The following IGF2BP2 variants were observed in gnomAD, a reference collection of about 807,000 sequenced individuals.
IGF2BP2 encodes insulin like growth factor 2 mRNA binding protein 2.
IGF2BP2 carries 17 observed loss-of-function variants against 75.8 expected under a neutral mutation model. The ratio of observed to expected loss-of-function variants is 0.22; its 90% CI spans 0.15 to 0.34. IGF2BP2 has a LOEUF of 0.34. Ranked by LOEUF, IGF2BP2 falls within the 10% of genes least tolerant of loss-of-function variation. IGF2BP2 has a pLI of 1.00. For synonymous variants in IGF2BP2, 288 were observed against 295.6 expected (o/e 0.97, Z 0.26); for missense variants, 516 against 772.4 (o/e 0.67, Z 3.93).
At chr3:185,706,734 A>T (rs1318217230) in intron 2 of IGF2BP2, among the ~76,000 whole-genome samples, 1 of 150,612 alleles carries the variant, frequency 6.6e-6, no homozygotes, top group Non-Finnish European at 1.5e-5. Context: ...TTTCTCAGAG[A>T]TTCCTTCTTT....
At chr3:185,690,721 T>C (rs1394729808) in intron 5 of IGF2BP2, among the ~76,000 whole-genome samples, 1 of 152,218 alleles carries the variant, frequency 6.6e-6, no homozygotes, top group Non-Finnish European at 1.5e-5. Flanking sequence ...TATGATCCCA[T>C]AGCAGTTTAG....
At chr3:185,737,314 T>C (rs1455564614) in intron 2 of IGF2BP2, among the ~76,000 whole-genome samples, 4 of 152,184 alleles carry the variant, frequency 2.6e-5, no homozygotes, top group Non-Finnish European at 5.9e-5. Context: ...TTAATAAACA[T>C]TCTAGGTGCT....
Position 185,676,061 on chromosome 3 carries a change from C to A in IGF2BP2, c.813-148G>T. 3.2e-6 allele frequency: 3 copies of A among 936,054 alleles called. No individual in the cohort carries two copies. The South Asian group carries it at 5.3e-5, about 17-fold the overall frequency. 58.0% of individuals were successfully genotyped at this position (936,054 alleles called of 1,614,324 possible). ...GATTTGGGAGAGGTCAGGTCCCTCA[C>A]CGACCCCAGTTCATGAATTTTGATT... is the stretch of plus-strand genomic sequence containing the variant. On this transcript the variant is annotated intron_variant, in intron 7 of 15. Transcript: ENST00000382199.
intron 12 of IGF2BP2, 24 bp from the exon 13 acceptor site, chr3:185,652,192 C>T (rs767225283): frequency 9.4e-6 from 15 of 1,587,864 alleles, no homozygotes; most frequent in Admixed American, 1.7e-5. Flanking sequence ...GAGAGGAAAA[C>T]GCTGATGCTC....
intron 10 of IGF2BP2, among the ~76,000 whole-genome samples, chr3:185,661,607 C>T (rs1327297312): frequency 6.9e-6 from 1 of 144,782 alleles, no homozygotes; most frequent in African/African-American, 2.6e-5. Context: ...CACTGCACTC[C>T]AGCCTGGGTG....
chr3:185,689,520 C>G lies in IGF2BP2; in HGVS notation c.512G>C (p.Arg171Pro). Residue 171 changes from arginine to proline, a missense_variant, in exon 6 of 16, where the codon CGT becomes CCT. By Grantham distance (103) the Arg-to-Pro change is moderately radical. Around this residue, in one of 3 missense-constraint regions of IGF2BP2, gnomAD observed 312 missense variants for 474.5 expected, o/e 0.66. Coordinates refer to ENST00000382199, the MANE Select transcript of IGF2BP2 (RefSeq NM_006548.6). ...SSPSPPQRAQ[R>P]GDHSSREQGH... Reference sequence around the variant, plus strand: ...TTGCTCCCGGGAAGAGTGGTCCCCACGCTGGGCTCGCTGAGGGGGCGAAGG... The same window carrying G: ...TTGCTCCCGGGAAGAGTGGTCCCCAGGCTGGGCTCGCTGAGGGGGCGAAGG... 3 of 1,614,156 alleles carry G rather than the reference C, an allele frequency of 1.9e-6. No homozygotes were observed. The highest frequency in any genetic ancestry group is 2.5e-6 in the Non-Finnish European group (3 of 1,180,008).
At chr3:185,676,150 G>A (rs1291037446) in intron 7 of IGF2BP2, among the ~76,000 whole-genome samples, 1 of 152,074 alleles carries the variant, frequency 6.6e-6, no homozygotes. Context: ...GGATCCATGA[G>A]GCTGATCTGG....
chr3:185,684,682 C>T (rs529986630), intron 7 of IGF2BP2, among the ~76,000 whole-genome samples: 68 of 152,324 alleles, frequency 4.5e-4, no homozygotes, highest in African/African-American at 1.5e-3. Flanking sequence ...GCTGGGATTA[C>T]AGGCGTGAGT....
chr3:185,769,242 C>A (rs1004474948), intron 2 of IGF2BP2, among the ~76,000 whole-genome samples: 1 of 151,614 alleles, frequency 6.6e-6, no homozygotes, highest in African/African-American at 2.4e-5. Context: ...ATGGATTAGG[C>A]CAAGGAGTTG....
chr3:185,675,960 T>C, intron 7 of IGF2BP2, 47 bp from the exon 8 acceptor site: 1 of 1,590,370 alleles, frequency 6.3e-7, no homozygotes, highest in Non-Finnish European at 8.5e-7. Flanking sequence ...CGTATAACGG[T>C]TGTCTCCCAA....
At chr3:185,656,825 C>T (rs1450063411) in intron 12 of IGF2BP2, among the ~76,000 whole-genome samples, 9 of 152,196 alleles carry the variant, frequency 5.9e-5, no homozygotes, top group Admixed American at 4.6e-4. Flanking sequence ...GGTTGCATAT[C>T]GGGTTAGACC....
chr3:185,783,893 G>A (rs909299769), intron 2 of IGF2BP2, among the ~76,000 whole-genome samples: 11 of 152,010 alleles, frequency 7.2e-5, no homozygotes, highest in African/African-American at 1.9e-4. Flanking sequence ...ACATACATAC[G>A]AAAAATATAC....
At chr3:185,670,116 T>TTTTTG (rs1577900607) in intron 10 of IGF2BP2, among the ~76,000 whole-genome samples, 1 of 152,222 alleles carries the variant, frequency 6.6e-6, no homozygotes, top group Non-Finnish European at 1.5e-5. Context: ...TACCTGGTTG[T>TTTTTG]TTTTGTTTTG....
intron 2 of IGF2BP2, among the ~76,000 whole-genome samples, chr3:185,734,364 A>T (rs542692892): frequency 6.6e-6 from 1 of 152,222 alleles, no homozygotes; most frequent in Non-Finnish European, 1.5e-5. Flanking sequence ...ATAATGCTAG[A>T]GCCCAAATGC....
At chr3:185,718,286 A>C (rs1015985536) in intron 2 of IGF2BP2, 1 of 152,298 alleles carries the variant, frequency 6.6e-6, no homozygotes, top group Admixed American at 6.5e-5. Context: ...CCTGTACAGA[A>C]AAAATGTGCT....
At position 185,806,780 on chromosome 3, in the gene IGF2BP2, G is replaced by T. The variant is rs1739087935; in HGVS notation, c.239+16373C>A. On this transcript the variant is annotated intron_variant, in intron 2 of 15. Transcript: ENST00000382199. ...AATTTCTTCAAGAAAAGAGTTTCAA[G>T]TACCATTATAAATATTTGCAATATT... is the stretch of plus-strand genomic sequence containing the variant. Among the ~76,000 whole-genome samples, 3 of 152,094 alleles carry T rather than the reference G, an allele frequency of 2.0e-5. No homozygotes were observed. In the South Asian group the frequency reaches 6.2e-4, roughly 32 times the overall value.
At chr3:185,817,194 T>C (rs1740725594) in intron 2 of IGF2BP2, among the ~76,000 whole-genome samples, 1 of 152,160 alleles carries the variant, frequency 6.6e-6, no homozygotes, top group Admixed American at 6.5e-5. Flanking sequence ...AAATAAAGTG[T>C]AGAACAGATA....
At chr3:185,788,306 G>A (rs1055121676) in intron 2 of IGF2BP2, among the ~76,000 whole-genome samples, 1 of 152,090 alleles carries the variant, frequency 6.6e-6, no homozygotes, top group Non-Finnish European at 1.5e-5. Context: ...GATCGCTTGA[G>A]CCTAGGAGTT....
chr3:185,712,063 C>A (rs947794223), intron 2 of IGF2BP2, among the ~76,000 whole-genome samples: 4 of 152,196 alleles, frequency 2.6e-5, no homozygotes, highest in African/African-American at 9.7e-5. Context: ...TGACCTGGAG[C>A]CAGCACTGAA....
Sources: allele counts gnomAD v4.1 joint callset (sites outside exome capture counted in the v4.1 genomes callset), GRCh38; gene constraint gnomAD v4.1.1; regional missense constraint gnomAD v4.1.1; transcripts MANE v1.5; gene names NCBI Gene and HGNC (gene_info 2026-07-23, HGNC 2026-07-21).